NBEA: variants seen among roughly 807,000 people sequenced by gnomAD.
NBEA encodes lysosomal-trafficking regulator 2.
NBEA carries 44 observed loss-of-function variants against 343.4 expected under a neutral mutation model. The ratio of observed to expected loss-of-function variants is 0.13; its 90% CI spans 0.10 to 0.16. The LOEUF is 0.16. NBEA is among the 10% of genes least tolerant of loss of function. NBEA has a pLI of 1.00. For synonymous variants in NBEA, 1,175 were observed against 1,238.7 expected, an observed-to-expected ratio of 0.95 and a Z score of 1.08; for missense variants, 2,555 against 3,631.3, an observed-to-expected ratio of 0.70 and a Z score of 7.62.
intron 41 of NBEA, among the ~76,000 whole-genome samples, chr13:35,529,574 A>G (rs11842016): frequency 0.034 from 5,161 of 152,332 alleles, 131 homozygotes; most frequent in South Asian, 0.12. Context: ...TGCATATTAC[A>G]TATAACTTTA....
At chr13:35,593,276 A>G in intron 46 of NBEA, 52 bp from the exon 47 acceptor site, 1 of 1,588,672 alleles carries the variant, frequency 6.3e-7, no homozygotes, top group Non-Finnish European at 8.6e-7. Context: ...CAAAGGAACG[A>G]GGGCAGCTGT....
intron 39 of NBEA, among the ~76,000 whole-genome samples, chr13:35,436,391 A>G (rs2045434493): frequency 6.6e-6 from 1 of 152,148 alleles, no homozygotes; most frequent in African/African-American, 2.4e-5. Context: ...AAATAATGAC[A>G]CTATTTCAAT....
At chr13:35,561,273 G>A (rs2153021719) in intron 44 of NBEA, among the ~76,000 whole-genome samples, 1 of 152,212 alleles carries the variant, frequency 6.6e-6, no homozygotes, top group Admixed American at 6.5e-5. Context: ...TTTGCAGGAT[G>A]TTGTGATCTA....
At chr13:35,642,105 A>C (rs1307488105) in intron 49 of NBEA, among the ~76,000 whole-genome samples, 3 of 152,194 alleles carry the variant, frequency 2.0e-5, no homozygotes, top group Non-Finnish European at 2.9e-5. Context: ...GTGAAACATC[A>C]AACGTTTTGT....
chr13:35,474,613 G>C (rs1381366319), intron 41 of NBEA: 1 of 155,614 alleles, frequency 6.4e-6, no homozygotes, highest in African/African-American at 2.4e-5. Context: ...GACAATGTGA[G>C]ATCACAATAT....
Position 35,159,245 on chromosome 13 carries a change from G to C in NBEA, c.3074G>C (p.Arg1025Pro). ...GATTACCCTGTCAGCACAGATACTC[G>C]AGACTTACTCATGTCAACAAAAGTG... Reference protein sequence around the residue: ...ETDYPVSTDTRDLLMSTKVSD... With the variant: ...ETDYPVSTDTPDLLMSTKVSD... The change falls in exon 22 of 59, where the codon CGA (arginine) becomes CCA (proline). Residue 1025 changes from arginine to proline, a missense_variant. This residue lies in a region of NBEA where 367 missense variants were observed against 377.5 expected (regional missense o/e 0.97). Coordinates refer to ENST00000379939, the MANE Select transcript of NBEA (RefSeq NM_001385012.1). The C allele has an allele frequency of 6.2e-7, 1 of 1,613,540 alleles. No homozygotes were observed. Among genetic ancestry groups the C allele is most frequent in the Non-Finnish European group, 8.5e-7 (1 of 1,179,654 alleles).
intron 41 of NBEA, chr13:35,475,279 C>A (rs777158707): frequency 1.2e-6 from 2 of 1,613,910 alleles, no homozygotes; most frequent in African/African-American, 2.7e-5. Context: ...GTCCGACTCT[C>A]GGGGATGCTT....
At chr13:35,477,103 ACG>A (rs1374244162) in intron 41 of NBEA, 1 of 166,968 alleles carries the variant, frequency 6.0e-6, no homozygotes, top group Non-Finnish European at 1.5e-5. Context: ...AAGATAATTA[ACG>A]TCTGTTAATC....
intron 17 of NBEA, among the ~76,000 whole-genome samples, chr13:35,139,767 T>G (rs2067984574): frequency 2.0e-5 from 3 of 147,724 alleles, no homozygotes; most frequent in Non-Finnish European, 4.5e-5. Flanking sequence ...TTTTTTTTTT[T>G]TTTTTATCTC....
At chr13:35,213,443 A>G (rs940820709) in intron 33 of NBEA, among the ~76,000 whole-genome samples, 1 of 151,672 alleles carries the variant, frequency 6.6e-6, no homozygotes, top group African/African-American at 2.4e-5. Context: ...TTGCATTTAC[A>G]TTTATATTTA....
chr13:35,534,218 T>A (rs1182852953), intron 41 of NBEA, among the ~76,000 whole-genome samples: 1 of 152,174 alleles, frequency 6.6e-6, no homozygotes, highest in Non-Finnish European at 1.5e-5. Flanking sequence ...TCCTAGCCAC[T>A]GGAGCCAGAA....
intron 51 of NBEA, among the ~76,000 whole-genome samples, chr13:35,648,502 A>C (rs2084356735): frequency 6.6e-6 from 1 of 152,084 alleles, no homozygotes; most frequent in African/African-American, 2.4e-5. Context: ...TAATAATAAA[A>C]ATATTTATCC....
rs555657973 is a variant in NBEA, at chr13:35,474,816, G to A, written c.6585+2280G>A. The A allele has an allele frequency of 1.2e-4, 58 of 486,248 alleles. No individual in the cohort carries two copies. The East Asian group carries it at 1.6e-3, about 14-fold the overall frequency. The allele number at this position is 486,248 out of a possible 1,614,324, so 30.1% of individuals were successfully genotyped here. ...TACGGTGTACTTTTCAAGGGAGATA[G>A]GAAATCGTGTGGAAAGAAGTCTTCT... On this transcript the variant is annotated intron_variant, in intron 41 of 58. Transcript: ENST00000379939.
At chr13:34,985,915 T>C (rs1420398594) in intron 1 of NBEA, among the ~76,000 whole-genome samples, 1 of 150,854 alleles carries the variant, frequency 6.6e-6, no homozygotes, top group East Asian at 1.9e-4. Flanking sequence ...ATTTATTTGA[T>C]TCTCCTCTCT....
chr13:35,627,971 A>T, intron 48 of NBEA, 110 bp from the exon 49 acceptor site: 1 of 775,698 alleles, frequency 1.3e-6, no homozygotes, highest in Non-Finnish European at 1.9e-6. Flanking sequence ...ACAGAAATTT[A>T]AAGAGCATAT....
intron 46 of NBEA, among the ~76,000 whole-genome samples, chr13:35,587,372 T>G (rs2081337362): frequency 6.6e-6 from 1 of 152,038 alleles, no homozygotes; most frequent in Non-Finnish European, 1.5e-5. Flanking sequence ...CAAAGGAAAT[T>G]TTTGGAAAAC....
At chr13:35,178,599 A>G (rs2071081842) in intron 28 of NBEA, among the ~76,000 whole-genome samples, 1 of 151,660 alleles carries the variant, frequency 6.6e-6, no homozygotes, top group Non-Finnish European at 1.5e-5. Flanking sequence ...AAAAAGACTG[A>G]AAAAATATAC....
At chr13:35,360,114 G>A (rs2040726342) in intron 38 of NBEA, among the ~76,000 whole-genome samples, 1 of 151,956 alleles carries the variant, frequency 6.6e-6, no homozygotes. Context: ...AGCAGGATTT[G>A]AGTCTAGGTT....
At chr13:35,306,616 A>G (rs1212097084) in intron 35 of NBEA, among the ~76,000 whole-genome samples, 1 of 151,706 alleles carries the variant, frequency 6.6e-6, no homozygotes, top group African/African-American at 2.4e-5. Flanking sequence ...CCTTTCTAAT[A>G]TTGGTCTGTG....
Sources: gnomAD v4.1 joint callset for allele counts (sites outside exome capture counted in the v4.1 genomes callset) on GRCh38, gnomAD v4.1.1 for gene constraint, gnomAD v4.1.1 regional missense constraint, MANE v1.5 for transcripts, NCBI Gene and HGNC (gene_info 2026-07-23, HGNC 2026-07-21) for gene names.